Variants in LPGAT1 observed in about 807,000 individuals in gnomAD.
The protein encoded by LPGAT1 is lysophosphatidylglycerol acyltransferase 1.
In LPGAT1, 11 loss-of-function variants were observed where a neutral mutation model predicts 47.5. That is an observed-to-expected ratio of 0.23 (90% CI 0.15 to 0.38). The LOEUF is 0.38. Among genes scored for constraint, LPGAT1 ranks in the 10% least tolerant of loss-of-function variants. LPGAT1 has a pLI of 1.00. For synonymous variants in LPGAT1, 138 were observed against 144.2 expected (o/e 0.96, Z 0.31); for missense variants, 293 against 439.0 (o/e 0.67, Z 2.97).
chr1:211,743,726 C>A lies in LPGAT1; in HGVS notation c.*6173G>T, dbSNP rs1656839039. 6.6e-6 allele frequency: 1 copy of A among 152,128 alleles called. No individual in the cohort carries two copies. The highest frequency in any genetic ancestry group is 1.5e-5 in the Non-Finnish European group (1 of 68,038). The allele number at this position is 152,128 out of a possible 1,614,324, so 9.4% of individuals were successfully genotyped here. A position where few individuals can be genotyped will look rare whatever the true frequency, so the allele number is the denominator to read the frequency against. ...TTCCAATTTGTTTTCAGGCCTCTGTCCCCAGTCTGTTCCTTGTCTTCCACA... is the reference window on the plus strand; with the variant it reads ...TTCCAATTTGTTTTCAGGCCTCTGTACCCAGTCTGTTCCTTGTCTTCCACA... On this transcript the variant is annotated 3_prime_UTR_variant, in exon 8 of 8. Coordinates refer to ENST00000366997, the MANE Select transcript of LPGAT1 (RefSeq NM_014873.3).
intron 2 of LPGAT1, among the ~76,000 whole-genome samples, chr1:211,799,548 C>G (rs1002340790): frequency 3.3e-5 from 5 of 152,122 alleles, no homozygotes; most frequent in African/African-American, 9.7e-5. Context: ...TGTCAAAGAA[C>G]CTTAAGGACA....
rs563747402 is a variant in LPGAT1, at chr1:211,800,225, T to G, written c.239-7035A>C. 4.4e-4 allele frequency among the ~76,000 whole-genome samples: 66 copies of G among 149,738 alleles called. 1 individual carries two copies. In the South Asian group the frequency reaches 0.014, roughly 31 times the overall value. On this transcript the variant is annotated intron_variant, in intron 2 of 7. Transcript: ENST00000366997. Reference sequence around the variant, plus strand: ...TTTTTTTTTTGTATTTTAGTAGAGATAGGGTTTCATCATGTTGGACAGGTT... The same window carrying G: ...TTTTTTTTTTGTATTTTAGTAGAGAGAGGGTTTCATCATGTTGGACAGGTT...
intron 2 of LPGAT1, among the ~76,000 whole-genome samples, chr1:211,821,171 G>C (rs1229400635): frequency 6.6e-6 from 1 of 152,174 alleles, no homozygotes; most frequent in African/African-American, 2.4e-5. Flanking sequence ...CAGGACAATT[G>C]CTTGAACCCA....
chr1:211,775,896 A>C (rs148713481), intron 6 of LPGAT1, among the ~76,000 whole-genome samples: 292 of 147,802 alleles, frequency 2.0e-3, no homozygotes, highest in African/African-American at 5.3e-3. Context: ...ACACCATTGC[A>C]CTCCAGCCTG....
intron 2 of LPGAT1, among the ~76,000 whole-genome samples, chr1:211,799,298 C>T (rs901300918): frequency 1.3e-5 from 2 of 151,978 alleles, no homozygotes; most frequent in African/African-American, 2.4e-5. Flanking sequence ...TAATAGCTAA[C>T]ATTTATGGAA....
rs555246019 is a variant in LPGAT1 at position 211,766,184 on chromosome 1, G to C, written c.854+12734C>G. Among the ~76,000 whole-genome samples the C allele has an allele frequency of 2.6e-5, 4 of 152,196 alleles. No individual in the cohort carries two copies. The East Asian group carries it at 5.8e-4, about 22-fold the overall frequency. On this transcript the variant is annotated intron_variant, in intron 6 of 7. Transcript: ENST00000366997. The stretch of plus-strand genomic sequence containing the variant: ...CAGCTCCCCAGTTCTTCGGCTTTCA[G>C]ACTTAGACTAGAACTGACAACGTTG...
chr1:211,794,543 C>A (rs1659273063), intron 2 of LPGAT1, among the ~76,000 whole-genome samples: 1 of 152,092 alleles, frequency 6.6e-6, no homozygotes, highest in Non-Finnish European at 1.5e-5. Context: ...TGGGCTCAAG[C>A]AATCCACCGG....
intron 6 of LPGAT1, among the ~76,000 whole-genome samples, chr1:211,766,646 T>A (rs1031259708): frequency 3.3e-5 from 5 of 152,234 alleles, no homozygotes; most frequent in Non-Finnish European, 4.4e-5. Context: ...CACAGTACAC[T>A]GTGGAGTATT....
chr1:211,778,690 G>A (rs1166002506), intron 6 of LPGAT1, among the ~76,000 whole-genome samples: 1 of 152,154 alleles, frequency 6.6e-6, no homozygotes. Flanking sequence ...ACTCAAAAGT[G>A]TCAGGCAACC....
At chr1:211,790,288 C>A (rs1659059304) in intron 3 of LPGAT1, among the ~76,000 whole-genome samples, 1 of 152,140 alleles carries the variant, frequency 6.6e-6, no homozygotes, top group African/African-American at 2.4e-5. Context: ...CAGTTCTCAG[C>A]AACACTGTTG....
At chr1:211,788,029 A>G (rs962856180) in intron 3 of LPGAT1, among the ~76,000 whole-genome samples, 1 of 152,220 alleles carries the variant, frequency 6.6e-6, no homozygotes, top group Non-Finnish European at 1.5e-5. Context: ...TCTACCCCAA[A>G]GTCTCTGATA....
chr1:211,778,012 T>C (rs1658475795), intron 6 of LPGAT1, among the ~76,000 whole-genome samples: 2 of 152,158 alleles, frequency 1.3e-5, no homozygotes, highest in Non-Finnish European at 2.9e-5. Context: ...ACAAATACCA[T>C]GGCAACATCA....
chr1:211,811,059 G>T (rs1181888638), intron 2 of LPGAT1, among the ~76,000 whole-genome samples: 2 of 152,186 alleles, frequency 1.3e-5, no homozygotes, highest in Non-Finnish European at 2.9e-5. Flanking sequence ...TTCAGCTCTA[G>T]TCTCTTGCTG....
rs555800364 is a variant in LPGAT1, at chr1:211,782,011, AC to A, written c.727+1217del. Among the ~76,000 whole-genome samples the A allele has an allele frequency of 4.5e-4, 68 of 152,336 alleles. 1 individual carries two copies. The highest frequency in any genetic ancestry group is 4.1e-3 in the Admixed American group (63 of 15,306). On this transcript the variant is annotated intron_variant, in intron 5 of 7. Transcript: ENST00000366997. ...GAGAAAAATAATACATAATGTTACAACTCAGAAAAGCAATCACTGCTAACAT... is the reference window on the plus strand; with the variant it reads ...GAGAAAAATAATACATAATGTTACAATCAGAAAAGCAATCACTGCTAACAT...
chr1:211,778,876 G>T, intron 6 of LPGAT1, 42 bp downstream of exon 6: 4 of 1,452,350 alleles, frequency 2.8e-6, no homozygotes, highest in Non-Finnish European at 3.7e-6. Flanking sequence ...TTCTGAGGTA[G>T]TATTGTTGGA....
intron 2 of LPGAT1, among the ~76,000 whole-genome samples, chr1:211,803,607 G>C (rs944964002): frequency 2.0e-5 from 3 of 152,150 alleles, no homozygotes; most frequent in Non-Finnish European, 4.4e-5. Flanking sequence ...GAACAACTCT[G>C]TGCAGGAAAG....
chr1:211,821,549 T>C lies in LPGAT1; in HGVS notation c.238+7510A>G, dbSNP rs567163418. On this transcript the variant is annotated intron_variant, in intron 2 of 7. Coordinates refer to ENST00000366997, the MANE Select transcript of LPGAT1 (RefSeq NM_014873.3). ...AAAGAAGGGAGAAAGCAGAGAGAAG[T>C]ATAATAAGCTTACTGATTACCTTGA... Among the ~76,000 whole-genome samples the C allele has an allele frequency of 1.8e-4, 27 of 152,258 alleles. 1 individual carries two copies. The South Asian group carries it at 4.8e-3, about 27-fold the overall frequency.
chr1:211,775,846 G>A (rs560791244), intron 6 of LPGAT1, among the ~76,000 whole-genome samples: 4 of 150,472 alleles, frequency 2.7e-5, no homozygotes, highest in Admixed American at 6.7e-5. Context: ...CAGGAGAATC[G>A]CTTGAACCTG....
chr1:211,782,859 A>G (rs962820963), intron 5 of LPGAT1, among the ~76,000 whole-genome samples: 51 of 152,222 alleles, frequency 3.4e-4, no homozygotes, highest in African/African-American at 1.0e-3. Flanking sequence ...AGTTTTTCAA[A>G]CATGTTATTT....
Sources: gnomAD v4.1 joint callset for allele counts (sites outside exome capture counted in the v4.1 genomes callset) on GRCh38, gnomAD v4.1.1 for gene constraint, MANE v1.5 for transcripts, NCBI Gene and HGNC (gene_info 2026-07-23, HGNC 2026-07-21) for gene names.